Variants in ELK3 observed in about 807,000 individuals in gnomAD.
ELK3 encodes ETS domain-containing protein Elk-3.
Under a neutral mutation model 28.9 loss-of-function variants are expected in ELK3, and 10 were observed. The ratio of observed to expected loss-of-function variants is 0.35; its 90% CI spans 0.21 to 0.59. The LOEUF is 0.59. Ranked by LOEUF, ELK3 falls within the 20% of genes least tolerant of loss-of-function variation. The probability of loss-of-function intolerance (pLI) is 0.82; values close to 1 mark genes in which losing one functional copy is unlikely to be tolerated. For synonymous variants in ELK3, 272 were observed against 243.5 expected (o/e 1.12, Z -1.09); for missense variants, 463 against 517.3 (o/e 0.90, Z 1.02).
At chr12:96,238,482 G>C (rs1382938980) in intron 2 of ELK3, among the ~76,000 whole-genome samples, 1 of 152,358 alleles carries the variant, frequency 6.6e-6, no homozygotes, top group East Asian at 1.9e-4. Flanking sequence ...GTGAGCTGCT[G>C]CTGGGCACGG....
rs1668663938 is a variant in ELK3, at chr12:96,194,657, C to G, written c.-51C>G. On this transcript the variant is annotated 5_prime_UTR_variant, in exon 1 of 5. Coordinates refer to ENST00000228741, the MANE Select transcript of ELK3 (RefSeq NM_005230.4). The stretch of plus-strand genomic sequence containing the variant: ...CAGCATGGAAAGTCGGGGGCTTTCG[C>G]CCGGGTCCTCCTAGAAATTCCCCCC... 1 of 150,960 alleles carries G rather than the reference C, an allele frequency of 6.6e-6. No individual in the cohort carries two copies. The highest frequency in any genetic ancestry group is 1.5e-5 in the Non-Finnish European group (1 of 67,816). 9.4% of individuals were successfully genotyped at this position (150,960 alleles called of 1,614,324 possible). A position where few individuals can be genotyped will look rare whatever the true frequency, so the allele number is the denominator to read the frequency against.
chr12:96,198,081 A>G (rs1358595158), intron 1 of ELK3: 1 of 152,128 alleles, frequency 6.6e-6, no homozygotes, highest in Admixed American at 6.5e-5. Context: ...ACAACCCAAA[A>G]CACTTCATAG....
intron 1 of ELK3, among the ~76,000 whole-genome samples, chr12:96,200,508 T>C (rs1386242286): frequency 3.3e-5 from 5 of 152,280 alleles, no homozygotes; most frequent in Admixed American, 2.0e-4. Flanking sequence ...TTTTGGCTTA[T>C]GTATTTAGAG....
intron 4 of ELK3, 55 bp from the exon 5 acceptor site, chr12:96,267,025 TAA>T: frequency 6.8e-7 from 1 of 1,480,596 alleles, no homozygotes; most frequent in South Asian, 1.2e-5. Context: ...GTAAAGAACC[TAA>T]GTTCTTCCCA....
chr12:96,211,487 TTGTGTGTGTGTGTGTG>T (rs201554119), intron 1 of ELK3, among the ~76,000 whole-genome samples: 1 of 54,458 alleles, frequency 1.8e-5, no homozygotes, highest in Non-Finnish European at 4.9e-5. Context: ...CATTGTGTGT[TTGTGTGTGTGTGTGTG>T]TGTGTGTGTG....
chr12:96,201,007 C>T (rs1219482957), intron 1 of ELK3, among the ~76,000 whole-genome samples: 1 of 152,076 alleles, frequency 6.6e-6, no homozygotes, highest in Non-Finnish European at 1.5e-5. Context: ...GTCTCATTAT[C>T]CCTGGCCATT....
intron 2 of ELK3, among the ~76,000 whole-genome samples, chr12:96,244,917 G>A (rs1951846368): frequency 6.6e-6 from 1 of 152,118 alleles, no homozygotes. Flanking sequence ...TTTCTCTAAA[G>A]GTTTTTAAGG....
chr12:96,245,957 A>G (rs541108147), intron 2 of ELK3, among the ~76,000 whole-genome samples: 2 of 152,184 alleles, frequency 1.3e-5, no homozygotes, highest in African/African-American at 2.4e-5. Flanking sequence ...AATACTGTCA[A>G]TGAATGTCAC....
At chr12:96,243,638 C>T (rs1232729896) in intron 2 of ELK3, among the ~76,000 whole-genome samples, 2 of 152,080 alleles carry the variant, frequency 1.3e-5, no homozygotes, top group African/African-American at 2.4e-5. Context: ...ATCACGAGGT[C>T]AGGAGATCGA....
At chr12:96,227,286 C>T (rs1951709657) in intron 2 of ELK3, among the ~76,000 whole-genome samples, 1 of 152,042 alleles carries the variant, frequency 6.6e-6, no homozygotes, top group Non-Finnish European at 1.5e-5. Context: ...CATCCAGAGC[C>T]TTTCAGTGCA....
rs553116430 is a variant in ELK3, at chr12:96,198,742, T to C, written c.-3+4037T>C. Among the ~76,000 whole-genome samples, 4 of 152,354 alleles carry C rather than the reference T, an allele frequency of 2.6e-5. 1 individual carries two copies. The highest frequency in any genetic ancestry group is 9.6e-5 in the African/African-American group (4 of 41,592). On this transcript the variant is annotated intron_variant, in intron 1 of 4. Coordinates refer to ENST00000228741, the MANE Select transcript of ELK3 (RefSeq NM_005230.4). ...TCTCCCATAATTCCACTGTTTACCT[T>C]TTGATGTGTAATTGTTCAGTTTTTT...
At chr12:96,252,501 T>TTC (rs2137037011) in intron 3 of ELK3, among the ~76,000 whole-genome samples, 1 of 152,192 alleles carries the variant, frequency 6.6e-6, no homozygotes, top group Non-Finnish European at 1.5e-5. Context: ...ATTAAGAATA[T>TTC]TCATGATTCA....
intron 1 of ELK3, among the ~76,000 whole-genome samples, chr12:96,212,376 A>G (rs1364464963): frequency 1.3e-5 from 2 of 152,208 alleles, no homozygotes; most frequent in Non-Finnish European, 2.9e-5. Flanking sequence ...TTTAAAGAAA[A>G]AGCATTGTCA....
intron 4 of ELK3, among the ~76,000 whole-genome samples, chr12:96,262,601 T>G (rs543521065): frequency 3.9e-5 from 6 of 152,266 alleles, no homozygotes; most frequent in Middle Eastern, 3.4e-3. Flanking sequence ...TCCAGGAGAC[T>G]AAGGAAAAAC....
chr12:96,269,642 T>C lies in ELK3; in HGVS notation c.*2462T>C, dbSNP rs1176038169. The C allele has an allele frequency of 6.6e-6, 1 of 152,234 alleles. No homozygotes were observed. Among genetic ancestry groups the C allele is most frequent in the East Asian group, 1.9e-4 (1 of 5,204 alleles). 9.4% of individuals were successfully genotyped at this position (152,234 alleles called of 1,614,324 possible). ...AGGTTTCAAAGAACATTAATGACTT[T>C]CTTTTCCCTTTTATGTCTGCTTAAT... On this transcript the variant is annotated 3_prime_UTR_variant, in exon 5 of 5. Transcript: ENST00000228741.
At chr12:96,206,237 T>C (rs987005961) in intron 1 of ELK3, among the ~76,000 whole-genome samples, 24 of 152,216 alleles carry the variant, frequency 1.6e-4, no homozygotes, top group African/African-American at 5.8e-4. Context: ...AGATCAGACG[T>C]GCACCAGATG....
chr12:96,244,854 C>A (rs761188457), intron 2 of ELK3, among the ~76,000 whole-genome samples: 1 of 152,126 alleles, frequency 6.6e-6, no homozygotes, highest in African/African-American at 2.4e-5. Flanking sequence ...CCAGGGCACT[C>A]GGCAGAGACG....
chr12:96,211,553 T>C (rs1951579510), intron 1 of ELK3, among the ~76,000 whole-genome samples: 1 of 151,970 alleles, frequency 6.6e-6, no homozygotes, highest in South Asian at 2.1e-4. Flanking sequence ...TGAATATATT[T>C]TAGGTTGAAT....
At chr12:96,227,481 T>TA (rs1245128338) in intron 2 of ELK3, among the ~76,000 whole-genome samples, 1 of 152,244 alleles carries the variant, frequency 6.6e-6, no homozygotes, top group Non-Finnish European at 1.5e-5. Context: ...TGTTATATGT[T>TA]ATATTTTTAG....
Sources: allele counts gnomAD v4.1 joint callset (sites outside exome capture counted in the v4.1 genomes callset), GRCh38; gene constraint gnomAD v4.1.1; transcripts MANE v1.5; gene names NCBI Gene and HGNC (gene_info 2026-07-23, HGNC 2026-07-21).